Variants in OXR1 observed in about 807,000 individuals in gnomAD.
OXR1 encodes the protein oxidation resistance protein 1.
Under a neutral mutation model 104.6 loss-of-function variants are expected in OXR1, and 41 were observed. The ratio of observed to expected loss-of-function variants is 0.39; its 90% CI spans 0.31 to 0.51. The LOEUF (loss-of-function observed/expected upper bound fraction) is 0.51. OXR1 is among the 20% of genes least tolerant of loss of function. The pLI, the probability that OXR1 is intolerant of heterozygous loss-of-function variation, is 0.77. For missense variants in OXR1, 955 were observed against 1,031.9 expected, an observed-to-expected ratio of 0.93 and a Z score of 1.02; for synonymous variants, 348 against 348.4, an observed-to-expected ratio of 1.00 and a Z score of 0.01.
At chr8:106,563,849 C>A (rs1045820625) in intron 3 of OXR1, among the ~76,000 whole-genome samples, 2 of 152,178 alleles carry the variant, frequency 1.3e-5, no homozygotes, top group Non-Finnish European at 2.9e-5. Context: ...CAAAACCACA[C>A]AACTACATGG....
At chr8:106,705,246 C>T (rs1411071414) in intron 8 of OXR1, among the ~76,000 whole-genome samples, 1 of 152,120 alleles carries the variant, frequency 6.6e-6, no homozygotes, top group African/African-American at 2.4e-5. Context: ...ATGAGTGCAT[C>T]ACCAGTAGAT....
At chr8:106,379,537 C>CTTTTTTTTTTT (rs60855438) in intron 2 of OXR1, among the ~76,000 whole-genome samples, 28 of 108,378 alleles carry the variant, frequency 2.6e-4, no homozygotes, top group African/African-American at 3.3e-4. Context: ...TTCTTTCTTT[C>CTTTTTTTTTTT]TTTTTTTTTT....
chr8:106,389,481 A>C (rs559596556), intron 2 of OXR1, among the ~76,000 whole-genome samples: 1 of 152,202 alleles, frequency 6.6e-6, no homozygotes, highest in Non-Finnish European at 1.5e-5. Flanking sequence ...GTGTCTATAG[A>C]GCCTAAATTA....
Position 106,739,592 on chromosome 8 carries a change from T to C in OXR1, c.2163+9T>C. 6.2e-7 allele frequency: 1 copy of C among 1,612,288 alleles called. No individual in the cohort carries two copies. Among genetic ancestry groups the C allele is most frequent in the African/African-American group, 1.3e-5 (1 of 75,028 alleles). ...CAGATCAAATTGAAAAGGTATGACA[T>C]GCTCACATATGTGCATTTCTGAGTG... On this transcript the variant is annotated intron_variant, in intron 13 of 16. Transcript: ENST00000517566.
chr8:106,440,542 T>G (rs945517640), intron 2 of OXR1, among the ~76,000 whole-genome samples: 1 of 152,104 alleles, frequency 6.6e-6, no homozygotes, highest in African/African-American at 2.4e-5. Context: ...AATTTCCAAC[T>G]CATCAAAATT....
At chr8:106,511,874 C>A (rs544125345) in intron 2 of OXR1, among the ~76,000 whole-genome samples, 11 of 152,222 alleles carry the variant, frequency 7.2e-5, no homozygotes, top group African/African-American at 2.6e-4. Flanking sequence ...CTTTCTAGTT[C>A]CATTACTTTC....
intron 3 of OXR1, chr8:106,657,851 C>T (rs1161524085): frequency 2.4e-6 from 3 of 1,239,882 alleles, no homozygotes; most frequent in Non-Finnish European, 3.0e-6. Context: ...CCTCCTCCTC[C>T]CCGCCTCTTG....
At chr8:106,710,477 A>G (rs770824118) in intron 9 of OXR1, 145 bp from the exon 10 acceptor site, 2 of 427,242 alleles carry the variant, frequency 4.7e-6, no homozygotes, top group Non-Finnish European at 8.0e-6. Context: ...GAAAAAAAAT[A>G]TAAATTAAGA....
chr8:106,620,474 C>T (rs17342697), intron 3 of OXR1, among the ~76,000 whole-genome samples: 6,837 of 152,114 alleles, frequency 0.045, 191 homozygotes, highest in South Asian at 0.077. Flanking sequence ...TTTTTCCTTA[C>T]GTGGCTTATC....
At chr8:106,569,743 A>G (rs961826761) in intron 3 of OXR1, among the ~76,000 whole-genome samples, 22 of 152,246 alleles carry the variant, frequency 1.4e-4, no homozygotes, top group Admixed American at 1.0e-3. Context: ...CTACGTCAGT[A>G]TCACTTTCAG....
chr8:106,573,256 C>T (rs555160281), intron 3 of OXR1, among the ~76,000 whole-genome samples: 254 of 152,116 alleles, frequency 1.7e-3, no homozygotes, highest in Middle Eastern at 0.014. Context: ...ACCCCTGCCC[C>T]ACCACAGACA....
chr8:106,371,466 G>T (rs2130376530), intron 2 of OXR1, among the ~76,000 whole-genome samples: 1 of 152,132 alleles, frequency 6.6e-6, no homozygotes, highest in Non-Finnish European at 1.5e-5. Flanking sequence ...TGCCTCTCTA[G>T]CTCTTTGAAT....
At chr8:106,300,896 C>T (rs193248249) in intron 1 of OXR1, among the ~76,000 whole-genome samples, 57 of 152,244 alleles carry the variant, frequency 3.7e-4, no homozygotes, top group South Asian at 1.4e-3. Context: ...TATATTTCTG[C>T]AGAAATTAGT....
chr8:106,620,844 G>A (rs1821641671), intron 3 of OXR1, among the ~76,000 whole-genome samples: 1 of 152,068 alleles, frequency 6.6e-6, no homozygotes, highest in Non-Finnish European at 1.5e-5. Flanking sequence ...TAGTGAAAAT[G>A]AAATGTGTAT....
chr8:106,351,898 A>C (rs1421096975), intron 1 of OXR1, among the ~76,000 whole-genome samples: 3 of 152,194 alleles, frequency 2.0e-5, no homozygotes, highest in Non-Finnish European at 4.4e-5. Context: ...CTATTTTACA[A>C]ATGAAGAAAT....
At chr8:106,419,266 C>G (rs1818807753) in intron 2 of OXR1, among the ~76,000 whole-genome samples, 1 of 152,180 alleles carries the variant, frequency 6.6e-6, no homozygotes, top group Non-Finnish European at 1.5e-5. Flanking sequence ...AGGATGTGCT[C>G]ATTCTGCCTC....
At chr8:106,598,670 C>T (rs1586873862) in intron 3 of OXR1, among the ~76,000 whole-genome samples, 2 of 152,140 alleles carry the variant, frequency 1.3e-5, no homozygotes, top group African/African-American at 4.8e-5. Context: ...GGAAAGTTTA[C>T]AAATATCCAT....
At chr8:106,274,961 C>A (rs1437572375) in intron 1 of OXR1, among the ~76,000 whole-genome samples, 1 of 152,174 alleles carries the variant, frequency 6.6e-6, no homozygotes, top group Non-Finnish European at 1.5e-5. Context: ...ATTCAATAAG[C>A]ATTTGTAAAC....
chr8:106,595,712 T>C (rs576252626), intron 3 of OXR1, among the ~76,000 whole-genome samples: 4 of 152,168 alleles, frequency 2.6e-5, no homozygotes, highest in Non-Finnish European at 5.9e-5. Context: ...CTTTCTTCCT[T>C]GCTTGTAAAT....
Sources: gnomAD v4.1 joint callset for allele counts (sites outside exome capture counted in the v4.1 genomes callset) on GRCh38, gnomAD v4.1.1 for gene constraint, MANE v1.5 for transcripts, NCBI Gene and HGNC (gene_info 2026-07-23, HGNC 2026-07-21) for gene names.